Variants in ANO2 observed in about 807,000 individuals in gnomAD.
The protein encoded by ANO2 is anoctamin-2.
Under a neutral mutation model 124.2 loss-of-function variants are expected in ANO2, and 101 were observed. The observed-to-expected ratio is 0.81, with a 90% CI of 0.69 to 0.96. ANO2 has a LOEUF of 0.96. Among genes scored for constraint, ANO2 ranks in the 40% least tolerant of loss-of-function variants. The pLI is 0.00. For synonymous variants in ANO2, 486 were observed against 482.5 expected (o/e 1.01, Z -0.09); for missense variants, 1,293 against 1,274.5 (o/e 1.01, Z -0.22).
At chr12:5,834,001 G>C (rs1030559584) in intron 4 of ANO2, among the ~76,000 whole-genome samples, 22 of 152,074 alleles carry the variant, frequency 1.4e-4, no homozygotes, top group Non-Finnish European at 3.1e-4. Context: ...GTAAGGGAAA[G>C]GCACTCAGCT....
rs144947778 is a variant in ANO2, at chr12:5,679,530, T to C, written c.1546-31729A>G. Reference sequence around the variant, plus strand: ...GACATACATGCAGCCAACAAATATATGAAAAAAGCTCAATATCACTGATCA... The same window carrying C: ...GACATACATGCAGCCAACAAATATACGAAAAAAGCTCAATATCACTGATCA... On this transcript the variant is annotated intron_variant, in intron 14 of 24. Coordinates refer to ENST00000682330, the MANE Select transcript of ANO2 (RefSeq NM_001364791.2). Among the ~76,000 whole-genome samples the C allele has an allele frequency of 7.2e-4, 109 of 152,158 alleles. 1 individual carries two copies. Among genetic ancestry groups the C allele is most frequent in the East Asian group, 7.7e-4 (4 of 5,176 alleles).
intron 23 of ANO2, among the ~76,000 whole-genome samples, chr12:5,573,047 T>A (rs530769268): frequency 1.3e-5 from 2 of 152,254 alleles, no homozygotes; most frequent in Non-Finnish European, 2.9e-5. Context: ...TTTGGCTGAG[T>A]AGCACCCATT....
intron 16 of ANO2, among the ~76,000 whole-genome samples, chr12:5,622,873 A>C (rs1211790975): frequency 6.6e-6 from 1 of 151,896 alleles, no homozygotes; most frequent in African/African-American, 2.4e-5. Flanking sequence ...CTGAGGCGTG[A>C]AAATCTCTTG....
intron 14 of ANO2, among the ~76,000 whole-genome samples, chr12:5,691,604 G>A (rs1948946447): frequency 6.6e-6 from 1 of 151,980 alleles, no homozygotes; most frequent in African/African-American, 2.4e-5. Flanking sequence ...GGGAGGAACA[G>A]AAAGAAGAGT....
chr12:5,888,279 T>C (rs982438618), intron 3 of ANO2, among the ~76,000 whole-genome samples: 1 of 152,138 alleles, frequency 6.6e-6, no homozygotes, highest in African/African-American at 2.4e-5. Flanking sequence ...GGAGTGAAGC[T>C]GCAGACCTTC....
chr12:5,806,775 G>C (rs1285475125), intron 8 of ANO2, among the ~76,000 whole-genome samples: 3 of 152,220 alleles, frequency 2.0e-5, no homozygotes, highest in Non-Finnish European at 4.4e-5. Context: ...AAGGAATTCT[G>C]AGAGATTTTC....
chr12:5,642,266 T>C (rs58406331), intron 15 of ANO2, among the ~76,000 whole-genome samples: 3,428 of 152,294 alleles, frequency 0.023, 129 homozygotes, highest in African/African-American at 0.079. Flanking sequence ...ACTCTCATTC[T>C]CTTGGTGATC....
At chr12:5,628,689 C>T (rs11063782) in intron 16 of ANO2, among the ~76,000 whole-genome samples, 9,892 of 149,850 alleles carry the variant, frequency 0.066, 422 homozygotes, top group Non-Finnish European at 0.094. Flanking sequence ...TGTGTGTGTG[C>T]GCGCGCGCAC....
At chr12:5,841,096 A>G (rs1472779162) in intron 4 of ANO2, among the ~76,000 whole-genome samples, 1 of 152,210 alleles carries the variant, frequency 6.6e-6, no homozygotes, top group Non-Finnish European at 1.5e-5. Flanking sequence ...TGCCTGCGAG[A>G]GGCACACAGG....
chr12:5,699,068 T>C (rs999326783), intron 14 of ANO2, among the ~76,000 whole-genome samples: 7 of 152,240 alleles, frequency 4.6e-5, no homozygotes, highest in Middle Eastern at 3.4e-3. Context: ...CAAGCCAACA[T>C]TCAAATTCAG....
intron 9 of ANO2, among the ~76,000 whole-genome samples, chr12:5,801,251 A>C (rs1410841652): frequency 6.6e-6 from 1 of 152,226 alleles, no homozygotes; most frequent in African/African-American, 2.4e-5. Flanking sequence ...AGCAGGACTA[A>C]CACGTGTCTC....
chr12:5,856,442 C>T (rs1169395614), intron 3 of ANO2: 1 of 152,166 alleles, frequency 6.6e-6, no homozygotes, highest in African/African-American at 2.4e-5. Context: ...GACAGCTGTT[C>T]TCATGTTCTT....
intron 4 of ANO2, among the ~76,000 whole-genome samples, chr12:5,833,469 T>C (rs962270620): frequency 6.6e-6 from 1 of 152,178 alleles, no homozygotes; most frequent in Non-Finnish European, 1.5e-5. Flanking sequence ...TGAATCTGCA[T>C]TGGATCTGTG....
In ANO2 at chr12:5,830,306, C is replaced by G. The variant is rs1027605105; in HGVS notation, c.840+129G>C. ...AATGGGGAAGCTCTTGCATACTCTT[C>G]TCTGTTGCTAGGCAACTCCAAGCAA... On this transcript the variant is annotated intron_variant, in intron 6 of 24. Coordinates refer to ENST00000682330, the MANE Select transcript of ANO2 (RefSeq NM_001364791.2). The G allele has an allele frequency of 9.9e-6, 9 of 912,794 alleles. No homozygotes were observed. In the African/African-American group the frequency reaches 1.3e-4, roughly 14 times the overall value. 56.5% of individuals were successfully genotyped at this position (912,794 alleles called of 1,614,324 possible).
At chr12:5,719,255 G>A (rs1053572669) in intron 14 of ANO2, among the ~76,000 whole-genome samples, 1 of 152,160 alleles carries the variant, frequency 6.6e-6, no homozygotes, top group African/African-American at 2.4e-5. Flanking sequence ...CTCTTCCCAT[G>A]TGCACGTTCA....
At chr12:5,744,574 G>A (rs1181702018) in intron 11 of ANO2, among the ~76,000 whole-genome samples, 3 of 152,168 alleles carry the variant, frequency 2.0e-5, no homozygotes, top group African/African-American at 7.2e-5. Flanking sequence ...AGTGAGATCT[G>A]TCAGAGACAT....
At chr12:5,906,099 A>C (rs1340121067) in intron 3 of ANO2, among the ~76,000 whole-genome samples, 1 of 152,138 alleles carries the variant, frequency 6.6e-6, no homozygotes, top group African/African-American at 2.4e-5. Context: ...GAATTGGAGA[A>C]GGTTTCAGTG....
At chr12:5,613,394 C>A (rs1250353628) in intron 17 of ANO2, among the ~76,000 whole-genome samples, 1 of 152,084 alleles carries the variant, frequency 6.6e-6, no homozygotes, top group African/African-American at 2.4e-5. Flanking sequence ...ACTAAAGTTG[C>A]GAATAGAGAT....
In ANO2 at chr12:5,652,801, G is replaced by A. The variant is rs1946974622; in HGVS notation, c.1546-5000C>T. On this transcript the variant is annotated intron_variant, in intron 14 of 24. Transcript: ENST00000682330. ...TAGAATATGACTGATCACTGATGAT[G>A]TCAACCTTGATCTCCTGGTGGAGAT... 3.3e-5 allele frequency among the ~76,000 whole-genome samples: 5 copies of A among 152,084 alleles called. No homozygotes were observed. In the South Asian group the frequency reaches 1.0e-3, roughly 32 times the overall value.
Sources: allele counts gnomAD v4.1 joint callset (sites outside exome capture counted in the v4.1 genomes callset), GRCh38; gene constraint gnomAD v4.1.1; transcripts MANE v1.5; gene names NCBI Gene and HGNC (gene_info 2026-07-23, HGNC 2026-07-21).